PRKN: variants seen among roughly 807,000 people sequenced by gnomAD.
The protein encoded by PRKN is parkin RBR E3 ubiquitin protein ligase.
In PRKN, 56 loss-of-function variants were observed where a neutral mutation model predicts 59.5. The observed-to-expected ratio is 0.94, with a 90% CI of 0.76 to 1.18. The LOEUF (loss-of-function observed/expected upper bound fraction) is 1.18. PRKN is among the 50% of genes most tolerant of loss of function. The probability of loss-of-function intolerance (pLI) is 0.00; values close to 1 mark genes in which losing one functional copy is unlikely to be tolerated. For missense variants in PRKN, 657 were observed against 596.4 expected, an observed-to-expected ratio of 1.10 and a Z score of -1.06; for synonymous variants, 250 against 222.1, an observed-to-expected ratio of 1.13 and a Z score of -1.12.
intron 2 of PRKN, among the ~76,000 whole-genome samples, chr6:162,344,890 GAGGTA>G (rs1473415898): frequency 6.6e-6 from 1 of 152,226 alleles, no homozygotes; most frequent in Non-Finnish European, 1.5e-5. Flanking sequence ...ATAGGCAGAA[GAGGTA>G]AGGATTTCAC....
chr6:161,502,678 A>T lies in PRKN; in HGVS notation c.1083+46176T>A, dbSNP rs1778005371. ...GTAGCAACCTCTGGAGTACCAGTGC[A>T]TTTATGGAAAGATAATAGTTAGAAC... On this transcript the variant is annotated intron_variant, in intron 9 of 11. Transcript: ENST00000366898. This position sits in a 1 kb window ranked among gnomAD's most constrained non-coding sequence, Gnocchi z 4.0. Among the ~76,000 whole-genome samples, 1 of 152,172 alleles carries T rather than the reference A, an allele frequency of 6.6e-6. No homozygotes were observed. Among genetic ancestry groups the T allele is most frequent in the African/African-American group, 2.4e-5 (1 of 41,446 alleles).
chr6:162,144,686 T>C (rs4605857), intron 4 of PRKN, among the ~76,000 whole-genome samples: 75,463 of 151,978 alleles, frequency 0.5, 19,917 homozygotes, highest in African/African-American at 0.68. Flanking sequence ...TTCAGGAACT[T>C]TTGGTAGTTC....
intron 6 of PRKN, among the ~76,000 whole-genome samples, chr6:161,960,154 G>GA (rs1258037931): frequency 5.3e-5 from 8 of 151,914 alleles, no homozygotes; most frequent in Non-Finnish European, 1.0e-4. Flanking sequence ...CACCACACTG[G>GA]AAAAAAAACA....
intron 9 of PRKN, among the ~76,000 whole-genome samples, chr6:161,515,249 T>C (rs770325438): frequency 2.2e-4 from 34 of 152,236 alleles, no homozygotes; most frequent in Admixed American, 7.2e-4. Context: ...CTTCCTGTTA[T>C]CTGAAAACAC....
chr6:162,567,625 C>A (rs1188006139), intron 1 of PRKN, among the ~76,000 whole-genome samples: 2 of 151,716 alleles, frequency 1.3e-5, no homozygotes, highest in Admixed American at 1.3e-4. Context: ...AAAGAGAATG[C>A]CAAAAAAGGA....
At chr6:161,956,574 G>GATAA (rs58944163) in intron 6 of PRKN, among the ~76,000 whole-genome samples, 56,929 of 151,656 alleles carry the variant, frequency 0.38, 10,795 homozygotes, top group African/African-American at 0.39. Flanking sequence ...AAATTTTCAA[G>GATAA]ATAAAAGGAT....
In PRKN at chr6:161,409,387, A is replaced by G. The variant is rs747944666; in HGVS notation, c.1084-22510T>C. Among the ~76,000 whole-genome samples, 26 of 152,196 alleles carry G rather than the reference A, an allele frequency of 1.7e-4. No individual in the cohort carries two copies. The highest frequency in any genetic ancestry group is 3.4e-4 in the Non-Finnish European group (23 of 68,042). On this transcript the variant is annotated intron_variant, in intron 9 of 11. Transcript: ENST00000366898. This position sits in a 1 kb window ranked among gnomAD's most constrained non-coding sequence, Gnocchi z 4.6. The stretch of plus-strand genomic sequence containing the variant: ...GTTATAACGGCCATATGTCTCCCTG[A>G]GTAGGATTTTCCAGAAGAAATTACC...
At position 161,515,146 on chromosome 6, in the gene PRKN, G is replaced by A. The variant is rs1029074082; in HGVS notation, c.1083+33708C>T. Among the ~76,000 whole-genome samples the A allele has an allele frequency of 4.6e-5, 7 of 152,264 alleles. No homozygotes were observed. The South Asian group carries it at 8.3e-4, about 18-fold the overall frequency. On this transcript the variant is annotated intron_variant, in intron 9 of 11. Transcript: ENST00000366898. ...CACATTCACACTACTGACATGTCCT[G>A]CTTTTATTGTTACACCTTCCTCCAA...
intron 1 of PRKN, among the ~76,000 whole-genome samples, chr6:162,458,255 C>CAA (rs34337589): frequency 0.053 from 3,432 of 65,298 alleles, 283 homozygotes; most frequent in African/African-American, 0.19. Context: ...GACTCTATCT[C>CAA]AAAAAAAAAA....
chr6:162,692,111 A>C (rs979126887), intron 1 of PRKN, among the ~76,000 whole-genome samples: 3 of 151,924 alleles, frequency 2.0e-5, no homozygotes, highest in Non-Finnish European at 4.4e-5. Context: ...GCCCATGCCT[A>C]TGCCTGCACA....
rs951310537 is a variant in PRKN, at chr6:161,379,705, CACA to C, written c.1167+7086_1167+7088del. Reference sequence around the variant, plus strand: ...AAGGCCTGACCACTCTGTGTCCATGCACAACAACTCAGAAGGCTCATCCAGCTC... The same window carrying C: ...AAGGCCTGACCACTCTGTGTCCATGCACAACTCAGAAGGCTCATCCAGCTC... On this transcript the variant is annotated intron_variant, in intron 10 of 11. Transcript: ENST00000366898. The surrounding 1 kb of genome is among the most constrained non-coding windows in gnomAD (Gnocchi z 4.9). 2.1e-4 allele frequency among the ~76,000 whole-genome samples: 32 copies of C among 152,190 alleles called. No homozygotes were observed. The highest frequency in any genetic ancestry group is 7.2e-4 in the African/African-American group (30 of 41,454).
In PRKN at chr6:161,475,968, C is replaced by T. The variant is rs982598315; in HGVS notation, c.1083+72886G>A. Among the ~76,000 whole-genome samples, 6 of 151,984 alleles carry T rather than the reference C, an allele frequency of 3.9e-5. No individual in the cohort carries two copies. Among genetic ancestry groups the T allele is most frequent in the Non-Finnish European group, 8.8e-5 (6 of 67,986 alleles). ...TTGGGAGGCCAAGGTGGGCGGATCA[C>T]GAGGTCAGGAGATGGAGACCATCCT... is the stretch of plus-strand genomic sequence containing the variant. On this transcript the variant is annotated intron_variant, in intron 9 of 11. Transcript: ENST00000366898. The surrounding 1 kb of genome is among the most constrained non-coding windows in gnomAD (Gnocchi z 5.3).
chr6:161,829,238 A>C (rs535912321), intron 6 of PRKN, among the ~76,000 whole-genome samples: 1 of 152,214 alleles, frequency 6.6e-6, no homozygotes, highest in African/African-American at 2.4e-5. Context: ...AAAAACAAAA[A>C]CGAAAACAAA....
At chr6:162,254,583 C>T (rs1286248354) in intron 3 of PRKN, among the ~76,000 whole-genome samples, 5 of 152,226 alleles carry the variant, frequency 3.3e-5, no homozygotes, top group East Asian at 3.9e-4. Context: ...CTGTGTCCAC[C>T]GTCTTCCTGC....
intron 7 of PRKN, among the ~76,000 whole-genome samples, chr6:161,692,139 T>C (rs1470543964): frequency 6.6e-6 from 1 of 152,184 alleles, no homozygotes; most frequent in African/African-American, 2.4e-5. Flanking sequence ...GGGTTTTGCA[T>C]GGCAAACACT....
chr6:161,375,870 T>C (rs1785677037), intron 10 of PRKN, among the ~76,000 whole-genome samples: 1 of 152,232 alleles, frequency 6.6e-6, no homozygotes, highest in Admixed American at 6.5e-5. Context: ...CCATCCCATC[T>C]GCACATCCAC....
intron 7 of PRKN, among the ~76,000 whole-genome samples, chr6:161,638,985 A>G (rs1048629541): frequency 2.6e-5 from 4 of 151,684 alleles, no homozygotes; most frequent in African/African-American, 7.3e-5. Context: ...CAGGTAATCC[A>G]CCTGCCTCAG....
intron 6 of PRKN, among the ~76,000 whole-genome samples, chr6:161,886,753 A>AT (rs57686424): frequency 0.31 from 41,252 of 133,172 alleles, 6,015 homozygotes; most frequent in East Asian, 0.43. Context: ...TAATAAAATA[A>AT]AAAAAAATAA....
chr6:161,369,120 A>C lies in PRKN; in HGVS notation c.1168-8915T>G, dbSNP rs1785338559. Among the ~76,000 whole-genome samples the C allele has an allele frequency of 6.6e-6, 1 of 152,106 alleles. No individual in the cohort carries two copies. The highest frequency in any genetic ancestry group is 2.4e-5 in the African/African-American group (1 of 41,428). On this transcript the variant is annotated intron_variant, in intron 10 of 11. Transcript: ENST00000366898. This position sits in a 1 kb window ranked among gnomAD's most constrained non-coding sequence, Gnocchi z 5.8. ...TAGACCTTTGACTGCCACTTCCGAGAGGGGATTTCTACCAGGAGGAGCACA... is the reference window on the plus strand; with the variant it reads ...TAGACCTTTGACTGCCACTTCCGAGCGGGGATTTCTACCAGGAGGAGCACA...
Sources: gnomAD v4.1 joint callset for allele counts (sites outside exome capture counted in the v4.1 genomes callset) on GRCh38, gnomAD v4.1.1 for gene constraint, Gnocchi (gnomAD v3.1) non-coding constraint, MANE v1.5 for transcripts, NCBI Gene and HGNC (gene_info 2026-07-23, HGNC 2026-07-21) for gene names.